Variants in KIAA1328 observed in about 807,000 individuals in gnomAD.
KIAA1328 encodes KIAA1328.
Under a neutral mutation model 68.1 loss-of-function variants are expected in KIAA1328, and 52 were observed. That is an observed-to-expected ratio of 0.76 (90% CI 0.61 to 0.96). KIAA1328 has a LOEUF of 0.96. Among genes scored for constraint, KIAA1328 ranks in the 40% least tolerant of loss-of-function variants. The probability of loss-of-function intolerance (pLI) is 0.00; values close to 1 mark genes in which losing one functional copy is unlikely to be tolerated. For missense variants in KIAA1328, 641 were observed against 677.6 expected (o/e 0.95, Z 0.60); for synonymous variants, 232 against 239.4 (o/e 0.97, Z 0.28).
chr18:37,030,186 G>A (rs974873748), intron 6 of KIAA1328, among the ~76,000 whole-genome samples: 2 of 150,710 alleles, frequency 1.3e-5, no homozygotes, highest in Non-Finnish European at 3.0e-5. Flanking sequence ...CTGCCCTTAT[G>A]TTTATTTTTC....
intron 8 of KIAA1328, among the ~76,000 whole-genome samples, chr18:37,169,911 T>C (rs1568490897): frequency 6.6e-6 from 1 of 152,242 alleles, no homozygotes; most frequent in Admixed American, 6.5e-5. Flanking sequence ...GGACCATCTG[T>C]TAAAATTCCT....
At chr18:36,942,333 A>G (rs2050745612) in intron 5 of KIAA1328, among the ~76,000 whole-genome samples, 1 of 152,238 alleles carries the variant, frequency 6.6e-6, no homozygotes, top group Non-Finnish European at 1.5e-5. Context: ...TCAAATGCAC[A>G]GGAACGAATT....
Position 37,146,541 on chromosome 18 carries a change from A to G in KIAA1328, c.1233-13659A>G, listed in dbSNP as rs571209253. Among the ~76,000 whole-genome samples the G allele has an allele frequency of 2.0e-3, 310 of 152,300 alleles. 4 individuals are homozygous for G. The highest frequency in any genetic ancestry group is 7.3e-3 in the African/African-American group (303 of 41,576). On this transcript the variant is annotated intron_variant, in intron 7 of 9. Transcript: ENST00000280020. ...TATTTTGCATAGTGCTGCAGTGAACATTGGCATGCATGTGTCTTTATGGTA... is the reference window on the plus strand; with the variant it reads ...TATTTTGCATAGTGCTGCAGTGAACGTTGGCATGCATGTGTCTTTATGGTA...
chr18:36,934,565 G>GT (rs1568182437), intron 5 of KIAA1328, among the ~76,000 whole-genome samples: 1 of 151,960 alleles, frequency 6.6e-6, no homozygotes, highest in Non-Finnish European at 1.5e-5. Flanking sequence ...GCAGTGTTTG[G>GT]TTTTTTGTCC....
chr18:37,011,843 T>C (rs552411829), intron 6 of KIAA1328, among the ~76,000 whole-genome samples: 1 of 152,200 alleles, frequency 6.6e-6, no homozygotes, highest in East Asian at 1.9e-4. Flanking sequence ...ATTTTTAGTG[T>C]GATGGAATTA....
chr18:36,959,934 G>A (rs1288656844), intron 6 of KIAA1328, among the ~76,000 whole-genome samples: 1 of 152,122 alleles, frequency 6.6e-6, no homozygotes, highest in Non-Finnish European at 1.5e-5. Flanking sequence ...ATAAGCGTTT[G>A]TACACTTATC....
At chr18:37,197,051 G>A (rs1039899420) in intron 9 of KIAA1328, among the ~76,000 whole-genome samples, 2 of 151,794 alleles carry the variant, frequency 1.3e-5, no homozygotes, top group African/African-American at 4.8e-5. Flanking sequence ...TTTCTTCTAG[G>A]TTTTCTAGTT....
intron 4 of KIAA1328, among the ~76,000 whole-genome samples, chr18:36,849,211 C>A (rs959584333): frequency 2.0e-5 from 3 of 151,898 alleles, no homozygotes; most frequent in African/African-American, 7.2e-5. Context: ...CTGGTAACCA[C>A]TGTTCTACTT....
chr18:37,046,852 T>TG (rs1253831329), intron 6 of KIAA1328, among the ~76,000 whole-genome samples: 1 of 152,178 alleles, frequency 6.6e-6, no homozygotes, highest in African/African-American at 2.4e-5. Context: ...TAGTTCCAGC[T>TG]GGGCGCGGTG....
chr18:36,903,113 A>C (rs930613503), intron 5 of KIAA1328, among the ~76,000 whole-genome samples: 2 of 152,048 alleles, frequency 1.3e-5, no homozygotes, highest in African/African-American at 2.4e-5. Flanking sequence ...TTATCATGGA[A>C]TATTTTAGAA....
intron 7 of KIAA1328, among the ~76,000 whole-genome samples, chr18:37,069,214 T>G (rs137974423): frequency 2.0e-5 from 3 of 152,130 alleles, no homozygotes. Context: ...TTTTAAAATG[T>G]TACTGAATTC....
downstream of KIAA1328, among the ~76,000 whole-genome samples, chr18:37,226,029 T>C (rs1166982389): frequency 1.3e-5 from 2 of 152,084 alleles, no homozygotes; most frequent in Non-Finnish European, 2.9e-5. Flanking sequence ...TCCCCCCTAA[T>C]TTGAAAAAAA....
chr18:37,048,082 C>T (rs2055547391), intron 6 of KIAA1328, among the ~76,000 whole-genome samples: 1 of 152,118 alleles, frequency 6.6e-6, no homozygotes, highest in Admixed American at 6.5e-5. Context: ...AAAAATCATT[C>T]CTTCCAAAAT....
At chr18:36,830,461 T>C (rs2150745537) in intron 1 of KIAA1328, among the ~76,000 whole-genome samples, 1 of 152,314 alleles carries the variant, frequency 6.6e-6, no homozygotes, top group South Asian at 2.1e-4. Context: ...GAAATTGGGA[T>C]AAGTCTTTTC....
At chr18:37,070,017 G>T (rs1028242387) in intron 7 of KIAA1328, among the ~76,000 whole-genome samples, 3 of 151,942 alleles carry the variant, frequency 2.0e-5, no homozygotes, top group Non-Finnish European at 4.4e-5. Context: ...TTGATATGTT[G>T]CATTTTCATG....
At chr18:36,850,978 A>G (rs1364331146) in intron 4 of KIAA1328, among the ~76,000 whole-genome samples, 2 of 152,170 alleles carry the variant, frequency 1.3e-5, no homozygotes, top group African/African-American at 4.8e-5. Flanking sequence ...TACCATGTTA[A>G]GGAACTTTCA....
intron 7 of KIAA1328, among the ~76,000 whole-genome samples, chr18:37,117,885 A>G (rs12606281): frequency 1.4e-5 from 2 of 143,000 alleles, no homozygotes; most frequent in Non-Finnish European, 3.0e-5. Flanking sequence ...TTAAAAAAAA[A>G]AAATATATAT....
chr18:36,876,589 C>A lies in KIAA1328; in HGVS notation c.333-8968C>A, dbSNP rs568254353. On this transcript the variant is annotated intron_variant, in intron 4 of 9. Coordinates refer to ENST00000280020, the MANE Select transcript of KIAA1328 (RefSeq NM_020776.3). ...TTTTCTTCTTTATTAGTCTGGCTAG[C>A]AGTCTATCTATTTTGTTAATCTTTT... is the stretch of plus-strand genomic sequence containing the variant. Among the ~76,000 whole-genome samples the A allele has an allele frequency of 1.9e-4, 29 of 152,126 alleles. No homozygotes were observed. In the East Asian group the frequency reaches 5.4e-3, roughly 28 times the overall value.
chr18:36,938,574 C>T (rs544891869), intron 5 of KIAA1328, among the ~76,000 whole-genome samples: 2 of 152,158 alleles, frequency 1.3e-5, no homozygotes, highest in Admixed American at 1.3e-4. Context: ...TGTTTCCTTT[C>T]CTGTGCAGAA....
Sources: gnomAD v4.1 joint callset for allele counts (sites outside exome capture counted in the v4.1 genomes callset) on GRCh38, gnomAD v4.1.1 for gene constraint, MANE v1.5 for transcripts, NCBI Gene and HGNC (gene_info 2026-07-23, HGNC 2026-07-21) for gene names.